Variants in MAN1A1 observed in about 807,000 individuals in gnomAD.
The protein encoded by MAN1A1 is mannosidase alpha class 1A member 1.
In MAN1A1, 29 loss-of-function variants were observed where a neutral mutation model predicts 70.8. That is an observed-to-expected ratio of 0.41 (90% CI 0.31 to 0.56). MAN1A1 has a LOEUF of 0.56. Ranked by LOEUF, MAN1A1 falls within the 20% of genes least tolerant of loss-of-function variation. The pLI is 0.29. For synonymous variants in MAN1A1, 349 were observed against 330.1 expected, an observed-to-expected ratio of 1.06 and a Z score of -0.62; for missense variants, 747 against 841.3, an observed-to-expected ratio of 0.89 and a Z score of 1.39.
intron 6 of MAN1A1, among the ~76,000 whole-genome samples, chr6:119,221,069 T>C (rs1774346751): frequency 6.6e-6 from 1 of 150,860 alleles, no homozygotes; most frequent in African/African-American, 2.4e-5. Flanking sequence ...TCTAAATGTA[T>C]TATCAGCAGG....
chr6:119,260,976 G>GCTTTTTTTTTTTTTGTTTTTTTT (rs1554209499), intron 5 of MAN1A1, among the ~76,000 whole-genome samples: 1 of 116,942 alleles, frequency 8.6e-6, no homozygotes, highest in Non-Finnish European at 1.7e-5. Context: ...TTTTTTTATT[G>GCTTTTTTTTTTTTTGTTTTTTTT]TTTTTTTTTT....
chr6:119,329,859 C>T (rs965235348), intron 2 of MAN1A1, among the ~76,000 whole-genome samples: 1 of 152,112 alleles, frequency 6.6e-6, no homozygotes, highest in African/African-American at 2.4e-5. Context: ...CTGAATCAGC[C>T]CCAGTAAGGG....
intron 5 of MAN1A1, among the ~76,000 whole-genome samples, chr6:119,261,524 A>G (rs1354993125): frequency 6.6e-6 from 1 of 152,190 alleles, no homozygotes; most frequent in African/African-American, 2.4e-5. Flanking sequence ...TTTGAAGTGT[A>G]ACACTGGAAA....
intron 5 of MAN1A1, chr6:119,269,436 C>A: frequency 5.9e-6 from 1 of 170,638 alleles, no homozygotes; most frequent in South Asian, 1.1e-4. Context: ...TTGGGGTGGT[C>A]AGGGACGTCC....
At chr6:119,297,964 C>T (rs1051335501) in intron 4 of MAN1A1, among the ~76,000 whole-genome samples, 2 of 151,782 alleles carry the variant, frequency 1.3e-5, no homozygotes, top group Non-Finnish European at 2.9e-5. Flanking sequence ...AGTAGTTGAC[C>T]TCTTTTCATT....
intron 2 of MAN1A1, among the ~76,000 whole-genome samples, chr6:119,344,908 G>C (rs1312444241): frequency 6.6e-6 from 1 of 152,178 alleles, no homozygotes; most frequent in Admixed American, 6.5e-5. Context: ...AGAACTGAGA[G>C]AAGAAAACTG....
chr6:119,251,178 C>G (rs751942971), intron 5 of MAN1A1, among the ~76,000 whole-genome samples: 5 of 152,144 alleles, frequency 3.3e-5, no homozygotes, highest in African/African-American at 7.2e-5. Context: ...AATAATTTTT[C>G]CTCATTTCCA....
chr6:119,204,983 C>G, intron 6 of MAN1A1, 101 bp from the exon 7 acceptor site: 2 of 1,227,508 alleles, frequency 1.6e-6, no homozygotes, highest in Non-Finnish European at 1.1e-6. Flanking sequence ...AAAAAGGCAT[C>G]CTAGCTAATA....
chr6:119,324,370 G>A (rs1773093390), intron 2 of MAN1A1, among the ~76,000 whole-genome samples: 1 of 152,120 alleles, frequency 6.6e-6, no homozygotes, highest in African/African-American at 2.4e-5. Context: ...TGTTTAGTCA[G>A]TAAGGCTTCC....
At chr6:119,264,912 A>C (rs1465824995) in intron 5 of MAN1A1, among the ~76,000 whole-genome samples, 6 of 152,190 alleles carry the variant, frequency 3.9e-5, no homozygotes, top group Non-Finnish European at 8.8e-5. Flanking sequence ...TAGGAGGTTA[A>C]AAACATTTTT....
Position 119,294,135 on chromosome 6 carries a change from G to A in MAN1A1, c.817-3372C>T, listed in dbSNP as rs1236821879. 2.6e-4 allele frequency among the ~76,000 whole-genome samples: 39 copies of A among 152,094 alleles called. 1 individual carries two copies. The highest frequency in any genetic ancestry group is 1.5e-5 in the Non-Finnish European group (1 of 67,974). On this transcript the variant is annotated intron_variant, in intron 4 of 12. Transcript: ENST00000368468. The stretch of plus-strand genomic sequence containing the variant: ...GCCCATATGAGGTCTTATTTCTCAA[G>A]GGCTTAAAAATCCTCTTTTGAAATA...
chr6:119,188,619 A>G, intron 10 of MAN1A1, 42 bp from the exon 11 acceptor site: 1 of 1,533,278 alleles, frequency 6.5e-7, no homozygotes, highest in Non-Finnish European at 8.9e-7. Flanking sequence ...ATTTTCCTGG[A>G]CAGTGCTTAC....
At chr6:119,253,217 CA>C (rs977357373) in intron 5 of MAN1A1, among the ~76,000 whole-genome samples, 4 of 151,932 alleles carry the variant, frequency 2.6e-5, no homozygotes, top group Admixed American at 2.6e-4. Context: ...AAATCTGCAC[CA>C]AAAAAAGGTA....
chr6:119,218,569 A>AC (rs1774270474), intron 6 of MAN1A1, among the ~76,000 whole-genome samples: 5 of 151,976 alleles, frequency 3.3e-5, no homozygotes, highest in African/African-American at 1.2e-4. Context: ...TAAAAAAAAA[A>AC]ACACAAAAAA....
chr6:119,348,822 G>A lies in MAN1A1; in HGVS notation c.244C>T (p.Pro82Ser). ...VLFHSSPALQ[P>S]AADHKPGPGA... ...GGCCCGGGCTTGTGGTCGGCGGCCGGCTGCAAGGCGGGGCTGGAGTGGAAC... is the reference window on the plus strand; with the variant it reads ...GGCCCGGGCTTGTGGTCGGCGGCCGACTGCAAGGCGGGGCTGGAGTGGAAC... Residue 82 changes from proline to serine, a missense_variant, in exon 2 of 13, where the codon CCG becomes TCG. Around this residue, in one of 2 missense-constraint regions of MAN1A1, gnomAD observed 328 missense variants for 293.1 expected, o/e 1.12. Coordinates refer to ENST00000368468, the MANE Select transcript of MAN1A1 (RefSeq NM_005907.4). The A allele has an allele frequency of 6.8e-7, 1 of 1,465,402 alleles. No homozygotes were observed. Among genetic ancestry groups the A allele is most frequent in the Non-Finnish European group, 9.1e-7 (1 of 1,104,868 alleles). The allele number at this position is 1,465,402 out of a possible 1,614,324, so 90.8% of individuals were successfully genotyped here.
chr6:119,350,048 G>GAT (rs1773865967), upstream of MAN1A1, among the ~76,000 whole-genome samples: 2 of 152,202 alleles, frequency 1.3e-5, no homozygotes, highest in African/African-American at 4.8e-5. Flanking sequence ...GGCAGGCAGA[G>GAT]TTCGGGGTCG....
rs1773057383 is a variant in MAN1A1, at chr6:119,178,374, C to T, written c.*1445G>A. 6.6e-6 allele frequency: 1 copy of T among 152,066 alleles called. No individual in the cohort carries two copies. Among genetic ancestry groups the T allele is most frequent in the Non-Finnish European group, 1.5e-5 (1 of 67,942 alleles). 9.4% of individuals were successfully genotyped at this position (152,066 alleles called of 1,614,324 possible). A position where few individuals can be genotyped will look rare whatever the true frequency, so the allele number is the denominator to read the frequency against. ...GCCTAATCCATGGGGTTGTACTGAT[C>T]TTTCTGACCATTCTCGGCTGAAAAT... On this transcript the variant is annotated 3_prime_UTR_variant, in exon 13 of 13. Transcript: ENST00000368468.
chr6:119,207,535 C>A (rs748418590), intron 6 of MAN1A1, among the ~76,000 whole-genome samples: 3 of 152,116 alleles, frequency 2.0e-5, no homozygotes, highest in Non-Finnish European at 4.4e-5. Context: ...TACCACATGC[C>A]GCCACAGCTG....
At chr6:119,310,251 C>T (rs761169757) in intron 2 of MAN1A1, among the ~76,000 whole-genome samples, 1 of 152,188 alleles carries the variant, frequency 6.6e-6, no homozygotes, top group Non-Finnish European at 1.5e-5. Flanking sequence ...TTAGCAAATA[C>T]TTCCATTTGC....
Sources: gnomAD v4.1 joint callset for allele counts (sites outside exome capture counted in the v4.1 genomes callset) on GRCh38, gnomAD v4.1.1 for gene constraint, gnomAD v4.1.1 regional missense constraint, MANE v1.5 for transcripts, NCBI Gene and HGNC (gene_info 2026-07-23, HGNC 2026-07-21) for gene names.